Variants in KCTD13 observed in about 807,000 individuals in gnomAD.
KCTD13 encodes the protein potassium channel tetramerization domain containing 13.
In KCTD13, 15 loss-of-function variants were observed where a neutral mutation model predicts 32.3. That is an observed-to-expected ratio of 0.46 (90% CI 0.31 to 0.71). KCTD13 has a LOEUF of 0.71. Among genes scored for constraint, KCTD13 ranks in the 30% least tolerant of loss-of-function variants. The pLI, the probability that KCTD13 is intolerant of heterozygous loss-of-function variation, is 0.05. For synonymous variants in KCTD13, 189 were observed against 200.1 expected, an observed-to-expected ratio of 0.94 and a Z score of 0.47; for missense variants, 337 against 452.6, an observed-to-expected ratio of 0.74 and a Z score of 2.32.
In KCTD13 at chr16:29,923,329, T is replaced by C; in HGVS notation, c.275A>G (p.His92Arg). 6.2e-7 allele frequency: 1 copy of C among 1,613,960 alleles called. No individual in the cohort carries two copies. Among genetic ancestry groups the C allele is most frequent in the Non-Finnish European group, 8.5e-7 (1 of 1,179,948 alleles). ...CAGGTAATTGAGGATTGTACCAAAG[T>C]GACGGCCGCTCCGGTCAATCAGCAC... The part of the protein sequence containing the change: ...GWVLIDRSGR[H>R]FGTILNYLRD... Residue 92 changes from histidine to arginine, a missense_variant, in exon 2 of 6, where the codon CAC becomes CGC. By Grantham distance (29) the His-to-Arg change is conservative (BLOSUM62 0). This residue lies in a region of KCTD13 where 252 missense variants were observed against 340.2 expected (regional missense o/e 0.74). Transcript: ENST00000568000.
rs749938595 is a variant in KCTD13 at position 29,911,103 on chromosome 16, G to C, written c.628C>G (p.Leu210Val). ...CCCAGGACATCCTTGAGGAAGAGTA[G>C]CCGCCCGTGGAAGCGCAGGGCCAGC... ...DKLALRFHGRLLFLKDVLGDE... is the reference protein window; with the variant it reads ...DKLALRFHGRVLFLKDVLGDE... Residue 210 changes from leucine (L) to valine (V), a missense_variant, in exon 5 of 6, where the codon CTA (leucine) becomes GTA (valine). Leu to Val is a conservative substitution (Grantham distance 32). Transcript: ENST00000568000. 6.2e-7 allele frequency: 1 copy of C among 1,614,184 alleles called. No homozygotes were observed. The highest frequency in any genetic ancestry group is 1.1e-5 in the South Asian group (1 of 91,082).
chr16:29,923,078 C>T, intron 2 of KCTD13, 112 bp downstream of exon 2: 6 of 1,221,716 alleles, frequency 4.9e-6, no homozygotes, highest in Non-Finnish European at 6.7e-6. Context: ...GGGTTATGGC[C>T]AGCCAAAGCC....
At position 29,909,792 on chromosome 16, in the gene KCTD13, G is replaced by A. The variant is rs189990708; in HGVS notation, c.753+1186C>T. ...CTGCCTCAAATTCCTGGGCTAGGGC[G>A]GGCCCGGTGGCTCACACCTATAATC... On this transcript the variant is annotated intron_variant, in intron 5 of 5. Coordinates refer to ENST00000568000, the MANE Select transcript of KCTD13 (RefSeq NM_178863.5). Among the ~76,000 whole-genome samples, 193 of 151,648 alleles carry A rather than the reference G, an allele frequency of 1.3e-3. 1 individual carries two copies. Among genetic ancestry groups the A allele is most frequent in the Non-Finnish European group, 3.4e-4 (23 of 67,912 alleles).
chr16:29,911,740 G>T, intron 4 of KCTD13, 75 bp downstream of exon 4: 1 of 1,529,556 alleles, frequency 6.5e-7, no homozygotes, highest in Non-Finnish European at 9.0e-7. Flanking sequence ...TGTGGCCGTG[G>T]CCCTCGCCTT....
At chr16:29,911,227 A>G in intron 4 of KCTD13, 54 bp from the exon 5 acceptor site, 1 of 1,412,864 alleles carries the variant, frequency 7.1e-7, no homozygotes, top group South Asian at 1.2e-5. Context: ...CTCCCTCTGT[A>G]CCCCCAGAAG....
chr16:29,912,907 T>A (rs2068742350), intron 2 of KCTD13, among the ~76,000 whole-genome samples: 1 of 152,240 alleles, frequency 6.6e-6, no homozygotes, highest in Admixed American at 6.5e-5. Flanking sequence ...CTTCATTGGG[T>A]GGGATGACGT....
chr16:29,919,338 T>C (rs2068867538), intron 2 of KCTD13, among the ~76,000 whole-genome samples: 1 of 152,236 alleles, frequency 6.6e-6, no homozygotes, highest in African/African-American at 2.4e-5. Flanking sequence ...ATGGTATTAT[T>C]TGGCTTATGT....
rs1354418406 is a variant in KCTD13 at position 29,906,954 on chromosome 16, T to C, written c.908A>G (p.His303Arg). Reference protein sequence around the residue: ...GRGEDEENREHRVRRIHVRRH... With the variant: ...GRGEDEENRERRVRRIHVRRH... Reference sequence around the variant, plus strand: ...CCGGACATGGATCCTGCGGACACGGTGCTCTCGGTTCTCTTCATCCTCCCC... The same window carrying C: ...CCGGACATGGATCCTGCGGACACGGCGCTCTCGGTTCTCTTCATCCTCCCC... The change falls in exon 6 of 6, where the codon CAC becomes CGC. Residue 303 changes from histidine (H) to arginine (R), a missense_variant. By Grantham distance (29) the His-to-Arg change is conservative. Coordinates refer to ENST00000568000, the MANE Select transcript of KCTD13 (RefSeq NM_178863.5). 1 of 1,614,102 alleles carries C rather than the reference T, an allele frequency of 6.2e-7. No individual in the cohort carries two copies. The highest frequency in any genetic ancestry group is 2.2e-5 in the East Asian group (1 of 44,866).
chr16:29,911,839 C>T lies in KCTD13; in HGVS notation c.533G>A (p.Ser178Asn). 6.2e-7 allele frequency: 1 copy of T among 1,612,686 alleles called. No homozygotes were observed. Among genetic ancestry groups the T allele is most frequent in the Non-Finnish European group, 8.5e-7 (1 of 1,179,500 alleles). ...CCTGGTGTAGGAGTACTTGTTGTTA[C>T]TGCGGTTGTGCAGGAGCTTCACCAC... ...KPVVKLLHNR[S>N]NNKYSYTSTS... Residue 178 changes from serine (S) to asparagine (N), a missense_variant, in exon 4 of 6, where the codon AGT (serine) becomes AAT (asparagine). Around this residue, in one of 3 missense-constraint regions of KCTD13, gnomAD observed 252 missense variants for 340.2 expected, o/e 0.74. Coordinates refer to ENST00000568000, the MANE Select transcript of KCTD13 (RefSeq NM_178863.5).
chr16:29,918,946 C>T (rs2068860831), intron 2 of KCTD13, among the ~76,000 whole-genome samples: 1 of 152,210 alleles, frequency 6.6e-6, no homozygotes, highest in Non-Finnish European at 1.5e-5. Flanking sequence ...GCATGAGCCA[C>T]CGCACCTGGC....
rs866823006 is a variant in KCTD13 at position 29,926,197 on chromosome 16, G to A, written c.-164C>T. 5 of 801,658 alleles carry A rather than the reference G, an allele frequency of 6.2e-6. No homozygotes were observed. Among genetic ancestry groups the A allele is most frequent in the Non-Finnish European group, 8.8e-6 (5 of 567,374 alleles). 49.7% of individuals were successfully genotyped at this position (801,658 alleles called of 1,614,324 possible). Reference sequence around the variant, plus strand: ...ACCGGCCCTCCGCCCCATCTCGCTCGCACCACCCGGAAGCCGGCGCCGGGC... The same window carrying A: ...ACCGGCCCTCCGCCCCATCTCGCTCACACCACCCGGAAGCCGGCGCCGGGC... On this transcript the variant is annotated 5_prime_UTR_variant, in exon 1 of 6. Transcript: ENST00000568000.
intron 4 of KCTD13, 180 bp from the exon 5 acceptor site, chr16:29,911,353 C>T (rs962887594): frequency 2.8e-5 from 17 of 610,146 alleles, no homozygotes; most frequent in African/African-American, 1.3e-4. Flanking sequence ...AAGCCACATG[C>T]GCTGAGCAAA....
intron 2 of KCTD13, chr16:29,921,367 T>C (rs1330830385): frequency 6.6e-6 from 1 of 152,118 alleles, no homozygotes; most frequent in Non-Finnish European, 1.5e-5. Context: ...CTGAGGAGTG[T>C]GCTGAGCTGC....
In KCTD13 at chr16:29,906,574, AAG is replaced by A. The variant is rs1567437681; in HGVS notation, c.*296_*297del. On this transcript the variant is annotated 3_prime_UTR_variant, in exon 6 of 6. Transcript: ENST00000568000. ...TTTGGCATGGACGATGCACTAAAAA[AAG>A]AGAAAGGGAATTCTAAATCCCTCTT... 1 of 550,562 alleles carries A rather than the reference AAG, an allele frequency of 1.8e-6. No individual in the cohort carries two copies. Among genetic ancestry groups the A allele is most frequent in the African/African-American group, 1.9e-5 (1 of 53,588 alleles). The allele number at this position is 550,562 out of a possible 1,614,324, so 34.1% of individuals were successfully genotyped here.
intron 2 of KCTD13, chr16:29,913,286 C>T (rs879462732): frequency 9.9e-5 from 15 of 152,132 alleles, no homozygotes; most frequent in Admixed American, 1.3e-4. Context: ...GCCGACCCTG[C>T]CAGATATTAA....
intron 2 of KCTD13, chr16:29,913,050 G>GT (rs2068744599): frequency 6.7e-6 from 1 of 150,354 alleles, no homozygotes; most frequent in South Asian, 2.1e-4. Flanking sequence ...TTCCAGATTT[G>GT]TTTTTTGCAG....
intron 2 of KCTD13, among the ~76,000 whole-genome samples, chr16:29,917,030 T>C (rs1401682901): frequency 6.6e-6 from 1 of 152,202 alleles, no homozygotes; most frequent in Non-Finnish European, 1.5e-5. Context: ...AGCTGTAATG[T>C]CTTTTATGAC....
At chr16:29,911,331 G>A in intron 4 of KCTD13, 158 bp from the exon 5 acceptor site, 1 of 628,596 alleles carries the variant, frequency 1.6e-6, no homozygotes, top group South Asian at 2.0e-5. Flanking sequence ...GGCTAAACGG[G>A]TCTCAGAAGG....
At chr16:29,917,398 G>A (rs974799137) in intron 2 of KCTD13, among the ~76,000 whole-genome samples, 5 of 152,138 alleles carry the variant, frequency 3.3e-5, no homozygotes, top group African/African-American at 7.2e-5. Context: ...TGTAATCCCA[G>A]CACTTTGGGA....
Sources: gnomAD v4.1 joint callset for allele counts (sites outside exome capture counted in the v4.1 genomes callset) on GRCh38, gnomAD v4.1.1 for gene constraint, gnomAD v4.1.1 regional missense constraint, MANE v1.5 for transcripts, NCBI Gene and HGNC (gene_info 2026-07-23, HGNC 2026-07-21) for gene names.